The following FRMD4A variants were observed in gnomAD, a reference collection of about 807,000 sequenced individuals.
FRMD4A encodes FERM domain containing 4A.
In FRMD4A, 29 loss-of-function variants were observed where a neutral mutation model predicts 129.1. The ratio of observed to expected loss-of-function variants is 0.22; its 90% CI spans 0.17 to 0.31. The LOEUF (loss-of-function observed/expected upper bound fraction) is 0.31, where lower values mean the gene tolerates loss of function less well. Ranked by LOEUF, FRMD4A falls within the 10% of genes least tolerant of loss-of-function variation. The probability of loss-of-function intolerance (pLI) is 1.00; values close to 1 mark genes in which losing one functional copy is unlikely to be tolerated. For missense variants in FRMD4A, 1,272 were observed against 1,375.8 expected, an observed-to-expected ratio of 0.92 and a Z score of 1.19; for synonymous variants, 634 against 571.6, an observed-to-expected ratio of 1.11 and a Z score of -1.56.
chr10:13,958,428 T>C lies in FRMD4A; in HGVS notation c.46-99516A>G, dbSNP rs374445162. Among the ~76,000 whole-genome samples the C allele has an allele frequency of 1.6e-3, 227 of 138,898 alleles. 2 individuals are homozygous for C. The highest frequency in any genetic ancestry group is 5.6e-3 in the African/African-American group (209 of 37,018). The allele number at this position is 138,898 out of a possible 152,430, so 91.1% of individuals were successfully genotyped here. ...CCTCCTGAGTAGCTGGGACCACAGG[T>C]GCCCGCCACCATGCCTGGCTAATTT... On this transcript the variant is annotated intron_variant, in intron 2 of 24. Coordinates refer to ENST00000357447, the MANE Select transcript of FRMD4A (RefSeq NM_018027.5).
chr10:14,087,097 C>A lies in FRMD4A; in HGVS notation c.46-228185G>T, dbSNP rs563224598. Among the ~76,000 whole-genome samples the A allele has an allele frequency of 1.4e-3, 214 of 151,852 alleles. 1 individual carries two copies. The highest frequency in any genetic ancestry group is 5.0e-3 in the African/African-American group (207 of 41,436). On this transcript the variant is annotated intron_variant, in intron 2 of 24. Coordinates refer to ENST00000357447, the MANE Select transcript of FRMD4A (RefSeq NM_018027.5). ...GGGCAAATTGGAACCAGCTGGCTAC[C>A]CTGGTTGCGGGGGGTGGGCATGTGG...
chr10:13,791,924 G>T (rs1430600829), intron 5 of FRMD4A, among the ~76,000 whole-genome samples: 2 of 152,220 alleles, frequency 1.3e-5, no homozygotes, highest in Non-Finnish European at 2.9e-5. Context: ...GGTCTCCACA[G>T]TGTCAGATAA....
intron 2 of FRMD4A, among the ~76,000 whole-genome samples, chr10:14,274,508 G>T (rs1332117431): frequency 6.6e-6 from 1 of 152,162 alleles, no homozygotes; most frequent in Non-Finnish European, 1.5e-5. Flanking sequence ...GAAACTTGGG[G>T]ACAGGAGGAA....
rs768406443 is a variant in FRMD4A at position 14,330,008 on chromosome 10, G to T, written c.45+50C>A. 2.2e-5 allele frequency: 34 copies of T among 1,530,206 alleles called. No individual in the cohort carries two copies. In the African/African-American group the frequency reaches 4.5e-4, roughly 20 times the overall value. The allele number at this position is 1,530,206 out of a possible 1,614,324, so 94.8% of individuals were successfully genotyped here. On this transcript the variant is annotated intron_variant, in intron 2 of 24. Transcript: ENST00000357447. ...GGCAGCAGCAGCCCACGGTGCAGGG[G>T]AGGCTGGAGTGGACGCTGCCCGGGC...
rs769594428 is a variant in FRMD4A, at chr10:13,796,480, C to A, written c.299+16G>T. 1.6e-5 allele frequency: 20 copies of A among 1,242,602 alleles called. No homozygotes were observed. Among genetic ancestry groups the A allele is most frequent in the Non-Finnish European group, 2.4e-5 (20 of 841,034 alleles). The allele number at this position is 1,242,602 out of a possible 1,614,324, so 77.0% of individuals were successfully genotyped here. The stretch of plus-strand genomic sequence containing the variant: ...GAACACAAAGAAGCAAAAGTATAGA[C>A]ACCAGGTGTACATACCTGACACAAA... On this transcript the variant is annotated intron_variant, in intron 5 of 24. Coordinates refer to ENST00000357447, the MANE Select transcript of FRMD4A (RefSeq NM_018027.5).
chr10:13,966,925 C>A (rs537499892), intron 2 of FRMD4A, among the ~76,000 whole-genome samples: 4 of 152,218 alleles, frequency 2.6e-5, no homozygotes, highest in Non-Finnish European at 4.4e-5. Flanking sequence ...GCATTCTCAG[C>A]GATCTGGATG....
chr10:14,229,102 G>GT (rs564118270), intron 2 of FRMD4A, among the ~76,000 whole-genome samples: 1 of 150,628 alleles, frequency 6.6e-6, no homozygotes, highest in African/African-American at 2.4e-5. Flanking sequence ...TTTTTTGTTT[G>GT]TTTTTTGTTT....
intron 6 of FRMD4A, 78 bp from the exon 7 acceptor site, chr10:13,762,758 C>T (rs2092124616): frequency 3.5e-6 from 3 of 860,982 alleles, no homozygotes; most frequent in Non-Finnish European, 5.8e-6. Context: ...AATGACAGCT[C>T]TTCTTCGGGA....
chr10:14,288,033 T>C (rs11596788), intron 2 of FRMD4A, among the ~76,000 whole-genome samples: 18,283 of 151,884 alleles, frequency 0.12, 1,229 homozygotes, highest in Middle Eastern at 0.23. Flanking sequence ...CTAGAATAAA[T>C]GACTTTCTAC....
chr10:13,851,769 G>A (rs926617739), intron 3 of FRMD4A, among the ~76,000 whole-genome samples: 3 of 151,876 alleles, frequency 2.0e-5, no homozygotes, highest in Non-Finnish European at 1.5e-5. Flanking sequence ...GTGTGGTGGC[G>A]CCTGCCTGTA....
chr10:13,650,228 ATAAC>A (rs1420026431), intron 24 of FRMD4A, among the ~76,000 whole-genome samples: 1 of 152,188 alleles, frequency 6.6e-6, no homozygotes, highest in African/African-American at 2.4e-5. Context: ...TTTTAAACGT[ATAAC>A]TAACTTACAG....
intron 2 of FRMD4A, among the ~76,000 whole-genome samples, chr10:13,990,766 C>A (rs1565161564): frequency 6.6e-6 from 1 of 152,202 alleles, no homozygotes; most frequent in Non-Finnish European, 1.5e-5. Context: ...GTGCCAGAAT[C>A]CGCATTTGGG....
At chr10:14,263,107 T>C (rs1844860374) in intron 2 of FRMD4A, among the ~76,000 whole-genome samples, 1 of 152,222 alleles carries the variant, frequency 6.6e-6, no homozygotes, top group African/African-American at 2.4e-5. Context: ...CCGTGTGCGA[T>C]ATTCCAATGA....
At chr10:14,264,379 T>C (rs1844906525) in intron 2 of FRMD4A, among the ~76,000 whole-genome samples, 1 of 152,204 alleles carries the variant, frequency 6.6e-6, no homozygotes. Context: ...GCTGATTAAT[T>C]TCCTTTTAAA....
intron 3 of FRMD4A, among the ~76,000 whole-genome samples, chr10:13,836,229 C>T (rs1362986839): frequency 2.0e-5 from 3 of 152,314 alleles, no homozygotes; most frequent in East Asian, 3.9e-4. Context: ...AACTCCTGAC[C>T]TCAGGTGATC....
At chr10:13,788,446 C>A (rs1056017998) in intron 5 of FRMD4A, among the ~76,000 whole-genome samples, 2 of 152,258 alleles carry the variant, frequency 1.3e-5, no homozygotes, top group African/African-American at 4.8e-5. Flanking sequence ...ATGCCTCCCA[C>A]ATGGCCCTGC....
At chr10:13,750,163 A>AAAATGAGAAAAATGAGAAAAATGATG (rs2091543708) in intron 8 of FRMD4A, among the ~76,000 whole-genome samples, 1 of 149,822 alleles carries the variant, frequency 6.7e-6, no homozygotes, top group African/African-American at 2.5e-5. Flanking sequence ...GAGAGAAGGA[A>AAAATGAGAAAAATGAGAAAAATGATG]AGACAATGAC....
At chr10:13,653,325 C>G (rs923681325) in intron 23 of FRMD4A, 1 of 152,262 alleles carries the variant, frequency 6.6e-6, no homozygotes, top group African/African-American at 2.4e-5. Context: ...ACCAGCCTGG[C>G]CAACGTGGTG....
At chr10:14,000,440 A>T (rs562653096) in intron 2 of FRMD4A, among the ~76,000 whole-genome samples, 1 of 151,924 alleles carries the variant, frequency 6.6e-6, no homozygotes, top group Non-Finnish European at 1.5e-5. Flanking sequence ...TGAGGTCAGG[A>T]GTTCAAGACC....
Sources: allele counts gnomAD v4.1 joint callset (sites outside exome capture counted in the v4.1 genomes callset), GRCh38; gene constraint gnomAD v4.1.1; transcripts MANE v1.5; gene names NCBI Gene and HGNC (gene_info 2026-07-23, HGNC 2026-07-21).